The following SMYD3 variants were observed in gnomAD, a reference collection of about 807,000 sequenced individuals.
SMYD3 encodes SET and MYND domain containing 3.
In SMYD3, 36 loss-of-function variants were observed where a neutral mutation model predicts 57.7. The observed-to-expected ratio is 0.62, with a 90% CI of 0.48 to 0.82. The LOEUF (loss-of-function observed/expected upper bound fraction) is 0.82, where lower values mean the gene tolerates loss of function less well. SMYD3 is among the 40% of genes least tolerant of loss of function. SMYD3 has a pLI of 0.00. For synonymous variants in SMYD3, 211 were observed against 195.0 expected, an observed-to-expected ratio of 1.08 and a Z score of -0.68; for missense variants, 515 against 538.8, an observed-to-expected ratio of 0.96 and a Z score of 0.44.
intron 5 of SMYD3, among the ~76,000 whole-genome samples, chr1:245,997,120 G>A (rs934303670): frequency 4.2e-4 from 60 of 142,494 alleles, no homozygotes; most frequent in Non-Finnish European, 7.8e-5. Flanking sequence ...TTTAATTAAC[G>A]AAATGAAACA....
At chr1:246,106,631 T>A (rs1435789502) in intron 5 of SMYD3, among the ~76,000 whole-genome samples, 1 of 152,096 alleles carries the variant, frequency 6.6e-6, no homozygotes. Context: ...AGGATTTCCG[T>A]GGTTATGAAA....
intron 5 of SMYD3, among the ~76,000 whole-genome samples, chr1:246,253,436 A>C (rs951359330): frequency 7.2e-5 from 11 of 152,200 alleles, no homozygotes; most frequent in African/African-American, 2.4e-4. Context: ...AGGTTGCTGC[A>C]AAGGACATGA....
At chr1:246,442,524 G>A (rs2067485815) in intron 1 of SMYD3, among the ~76,000 whole-genome samples, 1 of 151,708 alleles carries the variant, frequency 6.6e-6, no homozygotes, top group Non-Finnish European at 1.5e-5. Context: ...CTCCAGGCTG[G>A]GCTATAAGAG....
chr1:246,100,560 A>C lies in SMYD3; in HGVS notation c.532-170623T>G, dbSNP rs142093826. The stretch of plus-strand genomic sequence containing the variant: ...GCTTGCTGACGCTCAGGACTGGACA[A>C]ACATGGCTCAAGAGACCAGGGTTCT... On this transcript the variant is annotated intron_variant, in intron 5 of 11. Transcript: ENST00000490107. Among the ~76,000 whole-genome samples the C allele has an allele frequency of 5.5e-4, 84 of 152,318 alleles. No homozygotes were observed. The East Asian group carries it at 8.3e-3, about 15-fold the overall frequency.
At chr1:246,372,757 G>A (rs1558430277) in intron 1 of SMYD3, among the ~76,000 whole-genome samples, 2 of 152,154 alleles carry the variant, frequency 1.3e-5, no homozygotes, top group Non-Finnish European at 1.5e-5. Context: ...TTGTGGGGCC[G>A]AGGCAGGCGG....
At position 246,202,608 on chromosome 1, in the gene SMYD3, GCACA is replaced by G. The variant is rs544113046; in HGVS notation, c.531+124589_531+124592del. On this transcript the variant is annotated intron_variant, in intron 5 of 11. Transcript: ENST00000490107. This position sits in a 1 kb window ranked among gnomAD's most constrained non-coding sequence, Gnocchi z 4.1. ...TCGAAATGTGACGTATTAAATCCAC[GCACA>G]GTCTCAGAAATGCAATTCCTCCTTG... Among the ~76,000 whole-genome samples the G allele has an allele frequency of 9.7e-4, 148 of 152,248 alleles. No individual in the cohort carries two copies. In the East Asian group the frequency reaches 0.014, roughly 14 times the overall value.
chr1:245,846,440 T>A (rs529086645), intron 10 of SMYD3, among the ~76,000 whole-genome samples: 1 of 152,232 alleles, frequency 6.6e-6, no homozygotes, highest in African/African-American at 2.4e-5. Flanking sequence ...CCCTCTGTAG[T>A]GTAGTAATAG....
At chr1:245,786,809 G>A (rs1396272603) in intron 10 of SMYD3, among the ~76,000 whole-genome samples, 4 of 152,158 alleles carry the variant, frequency 2.6e-5, no homozygotes, top group South Asian at 2.1e-4. Flanking sequence ...CTAAATAAAC[G>A]GTAGAATACT....
intron 10 of SMYD3, among the ~76,000 whole-genome samples, chr1:245,823,695 G>A (rs1019420297): frequency 1.3e-5 from 2 of 152,164 alleles, no homozygotes; most frequent in Admixed American, 6.5e-5. Flanking sequence ...AACCGTTCAG[G>A]GAAGCCTTTA....
At chr1:246,038,497 C>T (rs930861759) in intron 5 of SMYD3, among the ~76,000 whole-genome samples, 1 of 152,198 alleles carries the variant, frequency 6.6e-6, no homozygotes, top group Non-Finnish European at 1.5e-5. Flanking sequence ...GGAGCCAGGA[C>T]GTACCTATCC....
intron 1 of SMYD3, among the ~76,000 whole-genome samples, chr1:246,490,098 C>T (rs374272656): frequency 1.3e-4 from 19 of 149,442 alleles, no homozygotes; most frequent in African/African-American, 4.2e-4. Context: ...CTTGACCTCC[C>T]AAAGTGCTGG....
intron 5 of SMYD3, among the ~76,000 whole-genome samples, chr1:246,277,843 A>C (rs2064365231): frequency 6.6e-6 from 1 of 152,194 alleles, no homozygotes; most frequent in Non-Finnish European, 1.5e-5. Context: ...TACAAAGCAG[A>C]TCAGTGGTTG....
chr1:245,816,098 T>C (rs2048787297), intron 10 of SMYD3, among the ~76,000 whole-genome samples: 1 of 152,176 alleles, frequency 6.6e-6, no homozygotes, highest in Non-Finnish European at 1.5e-5. Context: ...GGGCAGAAGA[T>C]AATGTATTCA....
intron 10 of SMYD3, among the ~76,000 whole-genome samples, chr1:245,794,862 T>A (rs976933099): frequency 6.6e-6 from 1 of 152,222 alleles, no homozygotes; most frequent in Non-Finnish European, 1.5e-5. Context: ...GTTTCACATA[T>A]GTTTGTCCCC....
At chr1:245,939,439 T>C (rs187235580) in intron 5 of SMYD3, among the ~76,000 whole-genome samples, 5 of 151,864 alleles carry the variant, frequency 3.3e-5, no homozygotes, top group South Asian at 2.1e-4. Flanking sequence ...GCCTGGCCAA[T>C]ATGGTGAAAC....
rs550946467 is a variant in SMYD3 at position 245,808,070 on chromosome 1, ACCCAGGACGGCC to A, written c.1077-43933_1077-43922del. The stretch of plus-strand genomic sequence containing the variant: ...GCGATTCAAATTCTTCCAGATCATA[ACCCAGGACGGCC>A]CCCAGCAATAATAAACTGGCTGTTC... On this transcript the variant is annotated intron_variant, in intron 10 of 11. Transcript: ENST00000490107. 3.3e-5 allele frequency among the ~76,000 whole-genome samples: 5 copies of A among 152,302 alleles called. No homozygotes were observed. In the South Asian group the frequency reaches 1.0e-3, roughly 32 times the overall value.
chr1:245,934,235 C>T (rs74154342), intron 5 of SMYD3, among the ~76,000 whole-genome samples: 20,565 of 151,984 alleles, frequency 0.14, 1,863 homozygotes, highest in East Asian at 0.53. Flanking sequence ...TTTATTAAAC[C>T]CTGGACAGAA....
chr1:246,442,442 G>C (rs963230063), intron 1 of SMYD3, among the ~76,000 whole-genome samples: 1 of 152,016 alleles, frequency 6.6e-6, no homozygotes, highest in East Asian at 1.9e-4. Context: ...CCAGCTACTC[G>C]GGAGGCTGAG....
intron 5 of SMYD3, chr1:246,178,922 C>G (rs2062482299): frequency 6.6e-6 from 1 of 152,392 alleles, no homozygotes; most frequent in African/African-American, 2.4e-5. Context: ...GCCAAATGAA[C>G]ACATTAACTG....
Sources: gnomAD v4.1 joint callset for allele counts (sites outside exome capture counted in the v4.1 genomes callset) on GRCh38, gnomAD v4.1.1 for gene constraint, Gnocchi (gnomAD v3.1) non-coding constraint, MANE v1.5 for transcripts, NCBI Gene and HGNC (gene_info 2026-07-23, HGNC 2026-07-21) for gene names.